Variants in FAIM observed in about 807,000 individuals in gnomAD.
The protein encoded by FAIM is Fas apoptotic inhibitory molecule.
A neutral mutation model predicts 21.2 loss-of-function variants in FAIM; 14 were observed. That is an observed-to-expected ratio of 0.66 (90% confidence interval 0.44 to 1.03). The LOEUF (loss-of-function observed/expected upper bound fraction) is 1.03, where lower values mean the gene tolerates loss of function less well. FAIM is among the 50% of genes least tolerant of loss of function. The pLI is 0.00. For missense variants in FAIM, 222 were observed against 247.1 expected (o/e 0.90, Z 0.68); for synonymous variants, 86 against 80.4 (o/e 1.07, Z -0.37).
chr3:138,623,335 CG>C (rs2042907980), intron 4 of FAIM, among the ~76,000 whole-genome samples: 1 of 152,004 alleles, frequency 6.6e-6, no homozygotes. Flanking sequence ...CAGTTTTACT[CG>C]TGTTCTCTAT....
intron 1 of FAIM, among the ~76,000 whole-genome samples, chr3:138,614,373 G>A (rs2042803131): frequency 1.3e-5 from 2 of 152,116 alleles, no homozygotes; most frequent in South Asian, 2.1e-4. Flanking sequence ...CCAGGAGGTC[G>A]AGGCTGCAGT....
chr3:138,624,508 C>G (rs1560498222), intron 4 of FAIM, among the ~76,000 whole-genome samples: 1 of 152,304 alleles, frequency 6.6e-6, no homozygotes, highest in African/African-American at 2.4e-5. Flanking sequence ...GGAAATGAGA[C>G]AGAGTTCAGC....
intron 4 of FAIM, among the ~76,000 whole-genome samples, chr3:138,625,454 C>A (rs182241141): frequency 2.7e-3 from 341 of 127,250 alleles, no homozygotes; most frequent in Non-Finnish European, 3.9e-3. Context: ...CCAAGCAAGA[C>A]TCTGTCTCAA....
chr3:138,610,808 A>G (rs975411785), intron 1 of FAIM: 16 of 650,004 alleles, frequency 2.5e-5, no homozygotes, highest in Non-Finnish European at 3.8e-5. Flanking sequence ...GTCTTGAACT[A>G]TTGACCTCAA....
At chr3:138,626,013 C>T (rs1386503730) in intron 4 of FAIM, among the ~76,000 whole-genome samples, 1 of 152,164 alleles carries the variant, frequency 6.6e-6, no homozygotes, top group Non-Finnish European at 1.5e-5. Context: ...GAGGAAAGTA[C>T]ATATGAAACT....
At chr3:138,615,738 C>T (rs2042819464) in intron 1 of FAIM, among the ~76,000 whole-genome samples, 1 of 152,104 alleles carries the variant, frequency 6.6e-6, no homozygotes, top group Admixed American at 6.5e-5. Context: ...AGTCTGTTAA[C>T]CTGTTGCATT....
Position 138,629,014 on chromosome 3 carries a change from TATCA to T in FAIM, c.407-89_407-86del, listed in dbSNP as rs1231460995. 44 of 933,372 alleles carry T rather than the reference TATCA, an allele frequency of 4.7e-5. No homozygotes were observed. In the African/African-American group the frequency reaches 6.5e-4, roughly 14 times the overall value. 57.8% of individuals were successfully genotyped at this position (933,372 alleles called of 1,614,324 possible). A position where few individuals can be genotyped will look rare whatever the true frequency, so the allele number is the denominator to read the frequency against. On this transcript the variant is annotated intron_variant, in intron 4 of 5. Transcript: ENST00000360570. ...TTAATGGAGTTTTAGAGATCTGGTA[TATCA>T]ATCCTTTCCTAAAGTAATAAATAGG...
At chr3:138,622,121 G>T (rs929632997) in intron 3 of FAIM, 67 bp from the exon 4 acceptor site, 18 of 1,296,912 alleles carry the variant, frequency 1.4e-5, no homozygotes, top group Admixed American at 2.2e-5. Context: ...TTCACTTTAC[G>T]TTATTTCTAA....
At chr3:138,630,709 G>C (rs2108359098) in intron 5 of FAIM, 1 of 152,168 alleles carries the variant, frequency 6.6e-6, no homozygotes. Context: ...TGCCATACCT[G>C]GTGGTTCTTC....
At chr3:138,627,348 A>AT (rs1179228774) in intron 4 of FAIM, among the ~76,000 whole-genome samples, 4 of 151,540 alleles carry the variant, frequency 2.6e-5, no homozygotes, top group Non-Finnish European at 4.4e-5. Flanking sequence ...CGTCCAGCTA[A>AT]TTTTTTGTAT....
At chr3:138,610,061 T>C (rs1230238179) in intron 1 of FAIM, among the ~76,000 whole-genome samples, 1 of 152,202 alleles carries the variant, frequency 6.6e-6, no homozygotes, top group Non-Finnish European at 1.5e-5. Context: ...ATGTCAACAC[T>C]TGAGTGTGAC....
chr3:138,609,561 TCTCTCTCTCTCTCTC>T (rs2042737747), intron 1 of FAIM, among the ~76,000 whole-genome samples: 1 of 90,792 alleles, frequency 1.1e-5, no homozygotes, highest in African/African-American at 4.3e-5. Flanking sequence ...TCTCTCTCTC[TCTCTCTCTCTCTCTC>T]GACTCTCTCT....
At chr3:138,612,719 A>G (rs2042784065) in intron 1 of FAIM, among the ~76,000 whole-genome samples, 1 of 152,212 alleles carries the variant, frequency 6.6e-6, no homozygotes, top group Non-Finnish European at 1.5e-5. Flanking sequence ...GCTAGGTCAT[A>G]TAGTAATTCT....
rs2042743087 is a variant in FAIM, at chr3:138,609,599, T to TCTCTCGA, written c.-17+667_-17+668insGACTCTC. On this transcript the variant is annotated intron_variant, in intron 1 of 5. Transcript: ENST00000360570. ...CTCGACTCTCTCTCTCTCGACTCTCTCTCTCTCTCTCTCGACTCTCTCTCT... is the reference window on the plus strand; with the variant it reads ...CTCGACTCTCTCTCTCTCGACTCTCTCTCTCGACTCTCTCTCTCTCGACTCTCTCTCT... Among the ~76,000 whole-genome samples the TCTCTCGA allele has an allele frequency of 5.8e-5, 4 of 69,416 alleles. No individual in the cohort carries two copies. The South Asian group carries it at 2.3e-3, about 41-fold the overall frequency. 45.5% of individuals were successfully genotyped at this position (69,416 alleles called of 152,430 possible).
At position 138,608,805 on chromosome 3, in the gene FAIM, T is replaced by G. The variant is rs542170263; in HGVS notation, c.-149T>G. ...GTTTGGTACTCGCGCCTGCAGAGCT[T>G]TCAACCTCCGCGCCGGCTGCGCCTG... On this transcript the variant is annotated 5_prime_UTR_variant, in exon 1 of 6. Transcript: ENST00000360570. The G allele has an allele frequency of 6.6e-6, 1 of 152,266 alleles. No homozygotes were observed. The highest frequency in any genetic ancestry group is 1.5e-5 in the Non-Finnish European group (1 of 68,112). 9.4% of individuals were successfully genotyped at this position (152,266 alleles called of 1,614,324 possible). A position where few individuals can be genotyped will look rare whatever the true frequency, so the allele number is the denominator to read the frequency against.
chr3:138,610,668 C>T (rs564324598), intron 1 of FAIM: 6 of 253,796 alleles, frequency 2.4e-5, no homozygotes, highest in African/African-American at 1.1e-4. Context: ...CTGCAACCTC[C>T]ACCTCCCGGG....
intron 1 of FAIM, among the ~76,000 whole-genome samples, chr3:138,613,422 A>G (rs2042792466): frequency 6.6e-6 from 1 of 152,050 alleles, no homozygotes; most frequent in Admixed American, 6.6e-5. Context: ...ATTTCCAAAT[A>G]TTTTCTCTCA....
intron 1 of FAIM, chr3:138,610,937 C>G: frequency 3.7e-6 from 6 of 1,606,952 alleles, no homozygotes; most frequent in Non-Finnish European, 5.1e-6. Flanking sequence ...ACGACCCTTC[C>G]TCTATGGCCC....
chr3:138,618,148 G>A (rs1479596534), intron 1 of FAIM, among the ~76,000 whole-genome samples: 1 of 47,066 alleles, frequency 2.1e-5, no homozygotes, highest in African/African-American at 3.9e-5. Flanking sequence ...TGCCTGGCTG[G>A]CTTATTATAT....
Sources: allele counts gnomAD v4.1 joint callset (sites outside exome capture counted in the v4.1 genomes callset), GRCh38; gene constraint gnomAD v4.1.1; transcripts MANE v1.5; gene names NCBI Gene and HGNC (gene_info 2026-07-23, HGNC 2026-07-21).